The following FBLN7 variants were observed in gnomAD, a reference collection of about 807,000 sequenced individuals.
The protein encoded by FBLN7 is fibulin 7, also known as fibulin-7.
FBLN7 carries 31 observed loss-of-function variants against 44.0 expected under a neutral mutation model. The ratio of observed to expected loss-of-function variants is 0.70; its 90% CI spans 0.53 to 0.95. The LOEUF is 0.95. Among genes scored for constraint, FBLN7 ranks in the 40% least tolerant of loss-of-function variants. The pLI is 0.00. For missense variants in FBLN7, 573 were observed against 618.5 expected, an observed-to-expected ratio of 0.93 and a Z score of 0.78; for synonymous variants, 262 against 253.4, an observed-to-expected ratio of 1.03 and a Z score of -0.32.
intron 6 of FBLN7, 135 bp downstream of exon 6, chr2:112,183,063 A>G: frequency 8.6e-7 from 1 of 1,168,302 alleles, no homozygotes; most frequent in South Asian, 1.6e-5. Context: ...AAAGCCACCA[A>G]CCAAAGGGCT....
intron 1 of FBLN7, among the ~76,000 whole-genome samples, chr2:112,156,870 G>A (rs1681457293): frequency 6.6e-6 from 1 of 152,142 alleles, no homozygotes. Flanking sequence ...CAGAGGCCTG[G>A]CAGCCTCCCT....
chr2:112,199,523 G>C, the FBLN7 span, among the ~76,000 whole-genome samples: 1 of 152,130 alleles, frequency 6.6e-6, no homozygotes, highest in Non-Finnish European at 1.5e-5. Context: ...CCAGACAAGA[G>C]TACTGACTCT....
intron 1 of FBLN7, among the ~76,000 whole-genome samples, chr2:112,157,303 G>A (rs1311351734): frequency 1.3e-5 from 2 of 152,144 alleles, no homozygotes; most frequent in Admixed American, 1.3e-4. Flanking sequence ...CCGGGAGGTG[G>A]AGGTTGCAGC....
At chr2:112,163,265 C>G (rs1420412015) in intron 2 of FBLN7, among the ~76,000 whole-genome samples, 1 of 152,226 alleles carries the variant, frequency 6.6e-6, no homozygotes, top group African/African-American at 2.4e-5. Flanking sequence ...GCCCATCACG[C>G]TCCTTAATGG....
At chr2:112,175,424 T>G (rs1682690507) in intron 3 of FBLN7, among the ~76,000 whole-genome samples, 1 of 152,150 alleles carries the variant, frequency 6.6e-6, no homozygotes, top group South Asian at 2.1e-4. Context: ...TGCCTGTGGG[T>G]GGGGTATGGC....
intron 6 of FBLN7, among the ~76,000 whole-genome samples, chr2:112,183,678 A>G (rs916880092): frequency 2.6e-5 from 4 of 152,128 alleles, no homozygotes; most frequent in African/African-American, 9.7e-5. Flanking sequence ...GCAGATGGAA[A>G]ATAACTGGCT....
chr2:112,164,187 T>C (rs1004897778), intron 2 of FBLN7, among the ~76,000 whole-genome samples: 1 of 152,210 alleles, frequency 6.6e-6, no homozygotes, highest in African/African-American at 2.4e-5. Flanking sequence ...GTCCCTAATA[T>C]AGTGCCTGCC....
chr2:112,205,087 T>A, the FBLN7 span, among the ~76,000 whole-genome samples: 1 of 152,134 alleles, frequency 6.6e-6, no homozygotes, highest in Non-Finnish European at 1.5e-5. Flanking sequence ...AGGTTTTCAC[T>A]GTCTACTATA....
the FBLN7 span, chr2:112,216,352 C>G: frequency 6.6e-6 from 1 of 152,388 alleles, no homozygotes; most frequent in Non-Finnish European, 1.5e-5. Flanking sequence ...CACATCACCC[C>G]AGTCACACAA....
At chr2:112,233,434 A>C in the FBLN7 span, 2 of 1,098,584 alleles carry the variant, frequency 1.8e-6, no homozygotes, top group Non-Finnish European at 2.6e-6. Context: ...TTATGATTTA[A>C]TTCCTACTAA....
chr2:112,165,479 G>A (rs965981153), intron 3 of FBLN7, among the ~76,000 whole-genome samples: 3 of 152,132 alleles, frequency 2.0e-5, no homozygotes, highest in Admixed American at 6.5e-5. Flanking sequence ...GCACAGTTAA[G>A]ATGCTTGGCA....
At chr2:112,224,515 G>A in the FBLN7 span, among the ~76,000 whole-genome samples, 1 of 152,136 alleles carries the variant, frequency 6.6e-6, no homozygotes, top group African/African-American at 2.4e-5. Context: ...CACTATCATT[G>A]CTTTATTTCA....
the FBLN7 span, among the ~76,000 whole-genome samples, chr2:112,198,271 C>T: frequency 2.0e-5 from 3 of 152,116 alleles, no homozygotes. Flanking sequence ...ATGGTGTTAC[C>T]AAGTAGGGCT....
chr2:112,185,868 CTT>C (rs200206678), intron 7 of FBLN7, among the ~76,000 whole-genome samples: 44 of 139,692 alleles, frequency 3.1e-4, no homozygotes, highest in Non-Finnish European at 3.5e-4. Flanking sequence ...GCAAGTAGAG[CTT>C]TTTTTTTTTT....
rs758686666 is a variant in FBLN7, at chr2:112,169,287, CAAACAA to C, written c.406+4124_406+4129del. ...GACTCCGTCTCGGGAGAAAAACAAA[CAAACAA>C]AAACAAACAAAACAAAACAAAAAAA... On this transcript the variant is annotated intron_variant, in intron 3 of 7. Transcript: ENST00000331203. Among the ~76,000 whole-genome samples the C allele has an allele frequency of 3.3e-5, 5 of 152,140 alleles. No homozygotes were observed. In the East Asian group the frequency reaches 9.7e-4, roughly 29 times the overall value.
the FBLN7 span, among the ~76,000 whole-genome samples, chr2:112,207,015 G>A: frequency 6.6e-6 from 1 of 152,188 alleles, no homozygotes; most frequent in African/African-American, 2.4e-5. Flanking sequence ...TTACAGGTGT[G>A]AGCCACTGTG....
chr2:112,231,785 A>T, the FBLN7 span: 1 of 1,187,226 alleles, frequency 8.4e-7, no homozygotes, highest in Non-Finnish European at 1.2e-6. Flanking sequence ...TCCTTAGTTC[A>T]AACATATTCC....
At position 112,158,880 on chromosome 2, in the gene FBLN7, A is replaced by G. The variant is rs1330760660; in HGVS notation, c.76-796A>G. On this transcript the variant is annotated intron_variant, in intron 1 of 7. Transcript: ENST00000331203. Reference sequence around the variant, plus strand: ...ATGAGCCACCGTACCCGGCCAGGAAACCTTGAGAATTTTAGCATTAAGTAG... The same window carrying G: ...ATGAGCCACCGTACCCGGCCAGGAAGCCTTGAGAATTTTAGCATTAAGTAG... Among the ~76,000 whole-genome samples the G allele has an allele frequency of 3.3e-5, 5 of 152,164 alleles. No individual in the cohort carries two copies. The South Asian group carries it at 1.0e-3, about 32-fold the overall frequency.
At chr2:112,158,059 G>A (rs1426944947) in intron 1 of FBLN7, among the ~76,000 whole-genome samples, 2 of 151,876 alleles carry the variant, frequency 1.3e-5, no homozygotes, top group East Asian at 3.9e-4. Context: ...CACCTCACCC[G>A]GATAATTTTT....
Sources: allele counts gnomAD v4.1 joint callset (sites outside exome capture counted in the v4.1 genomes callset), GRCh38; gene constraint gnomAD v4.1.1; transcripts MANE v1.5; gene names NCBI Gene and HGNC (gene_info 2026-07-23, HGNC 2026-07-21).